Variants in KLF7 observed in about 807,000 individuals in gnomAD.
The protein encoded by KLF7 is KLF transcription factor 7.
In KLF7, 2 loss-of-function variants were observed where a neutral mutation model predicts 27.3. The ratio of observed to expected loss-of-function variants is 0.07; its 90% CI spans 0.03 to 0.23. The LOEUF is 0.23. KLF7 is among the 10% of genes least tolerant of loss of function. The pLI, the probability that KLF7 is intolerant of heterozygous loss-of-function variation, is 1.00. For missense variants in KLF7, 221 were observed against 394.1 expected (o/e 0.56, Z 3.72); for synonymous variants, 165 against 162.4 (o/e 1.02, Z -0.12).
At position 207,140,766 on chromosome 2, in the gene KLF7, G is replaced by A. The variant is rs139952783; in HGVS notation, c.103-16362C>T. 4.2e-3 allele frequency among the ~76,000 whole-genome samples: 645 copies of A among 152,270 alleles called. 2 individuals carry two copies. The highest frequency in any genetic ancestry group is 0.015 in the African/African-American group (617 of 41,552). ...AGTAACAGACTAAAAAGAAGGGTGG[G>A]CCAGTGGGTGAGGAAGACTATTGTG... On this transcript the variant is annotated intron_variant, in intron 1 of 3. Transcript: ENST00000309446.
chr2:207,136,042 C>G lies in KLF7; in HGVS notation c.103-11638G>C, dbSNP rs549208981. 2.6e-5 allele frequency among the ~76,000 whole-genome samples: 4 copies of G among 152,270 alleles called. No individual in the cohort carries two copies. The South Asian group carries it at 8.3e-4, about 32-fold the overall frequency. On this transcript the variant is annotated intron_variant, in intron 1 of 3. Coordinates refer to ENST00000309446, the MANE Select transcript of KLF7 (RefSeq NM_003709.4). The stretch of plus-strand genomic sequence containing the variant: ...AAGCAATTAGGATGAGTGAACAAAA[C>G]GCTATTTTCAACTGTCATTTTTTAT...
At chr2:207,107,715 GC>G (rs2076915860) in intron 2 of KLF7, among the ~76,000 whole-genome samples, 1 of 152,178 alleles carries the variant, frequency 6.6e-6, no homozygotes, top group Non-Finnish European at 1.5e-5. Flanking sequence ...CCAAATGCCA[GC>G]CGGCTCTTCT....
chr2:207,149,194 TAATTTTCTGAGGAGAAAA>T lies in KLF7; in HGVS notation c.102+16255_102+16272del, dbSNP rs767347548. The T allele has an allele frequency of 2.3e-6, 3 of 1,280,826 alleles. No individual in the cohort carries two copies. The South Asian group carries it at 3.7e-5, about 16-fold the overall frequency. 79.3% of individuals were successfully genotyped at this position (1,280,826 alleles called of 1,614,324 possible). A position where few individuals can be genotyped will look rare whatever the true frequency, so the allele number is the denominator to read the frequency against. ...TTTTCTTTTTGGAGATGATCTTCAA[TAATTTTCTGAGGAGAAAA>T]AATTAAAAATCTGTTAAAAGCAACA... On this transcript the variant is annotated intron_variant, in intron 1 of 3. Coordinates refer to ENST00000309446, the MANE Select transcript of KLF7 (RefSeq NM_003709.4).
intron 2 of KLF7, among the ~76,000 whole-genome samples, chr2:207,117,184 A>C (rs189081835): frequency 1.3e-5 from 2 of 152,332 alleles, no homozygotes; most frequent in African/African-American, 2.4e-5. Flanking sequence ...TGATAAAATA[A>C]ATGTGCTTGC....
intron 2 of KLF7, among the ~76,000 whole-genome samples, chr2:207,099,550 C>CTATATATATATATATATATATATATA (rs1359258095): frequency 0.01 from 232 of 22,774 alleles, 8 homozygotes; most frequent in Non-Finnish European, 0.014. Flanking sequence ...GCTACATATG[C>CTATATATATATATATATATATATATA]GATATATATA....
intron 2 of KLF7, among the ~76,000 whole-genome samples, chr2:207,094,001 T>C (rs1199422951): frequency 6.6e-6 from 1 of 152,204 alleles, no homozygotes; most frequent in Non-Finnish European, 1.5e-5. Context: ...ATCTCACACA[T>C]AGGAACCTAT....
chr2:207,159,839 G>A (rs540092789), intron 1 of KLF7, among the ~76,000 whole-genome samples: 58 of 152,218 alleles, frequency 3.8e-4, no homozygotes, highest in African/African-American at 1.3e-3. Flanking sequence ...GACATGAGTC[G>A]TTTAAACGGG....
chr2:207,150,997 T>TA (rs34218929), intron 1 of KLF7, among the ~76,000 whole-genome samples: 3,471 of 90,306 alleles, frequency 0.038, 101 homozygotes, highest in South Asian at 0.056. Flanking sequence ...TTCTCTTTAT[T>TA]AAAAAAAAAA....
At chr2:207,145,212 A>G (rs1037350633) in intron 1 of KLF7, among the ~76,000 whole-genome samples, 2 of 152,254 alleles carry the variant, frequency 1.3e-5, no homozygotes, top group Admixed American at 1.3e-4. Flanking sequence ...TGGCAGGCTC[A>G]GTCAAAATCT....
At chr2:207,092,512 T>C (rs558115229) in intron 2 of KLF7, among the ~76,000 whole-genome samples, 1 of 152,226 alleles carries the variant, frequency 6.6e-6, no homozygotes, top group Non-Finnish European at 1.5e-5. Context: ...GTAAGTCTCA[T>C]GAGGTGAAAA....
At chr2:207,118,413 C>T (rs904122548) in intron 2 of KLF7, among the ~76,000 whole-genome samples, 2 of 152,228 alleles carry the variant, frequency 1.3e-5, no homozygotes, top group Non-Finnish European at 2.9e-5. Flanking sequence ...AAGGACCCTC[C>T]TAATTCTCAC....
At chr2:207,121,983 T>C (rs1439841499) in intron 2 of KLF7, 2 of 152,244 alleles carry the variant, frequency 1.3e-5, no homozygotes, top group Admixed American at 6.5e-5. Context: ...CAACACAACA[T>C]TCTTGCCCTT....
rs1331319845 is a variant in KLF7 at position 207,080,150 on chromosome 2, G to A, written c.*1063C>T. On this transcript the variant is annotated 3_prime_UTR_variant, in exon 4 of 4. Transcript: ENST00000309446. The stretch of plus-strand genomic sequence containing the variant: ...GAGGTCATCATGCCTCAAGGAGGAT[G>A]AGAGAACTGTGATGTCCCATCTGAC... The A allele has an allele frequency of 6.6e-6, 1 of 152,246 alleles. No homozygotes were observed. The highest frequency in any genetic ancestry group is 1.5e-5 in the Non-Finnish European group (1 of 68,048). 9.4% of individuals were successfully genotyped at this position (152,246 alleles called of 1,614,324 possible). A position where few individuals can be genotyped will look rare whatever the true frequency, so the allele number is the denominator to read the frequency against.
chr2:207,124,976 A>T (rs905223493), intron 1 of KLF7, among the ~76,000 whole-genome samples: 2 of 152,252 alleles, frequency 1.3e-5, no homozygotes, highest in African/African-American at 4.8e-5. Context: ...AACCAGCAGG[A>T]AAGAATACTG....
intron 1 of KLF7, among the ~76,000 whole-genome samples, chr2:207,152,306 C>T (rs1219554313): frequency 2.9e-5 from 3 of 105,030 alleles, no homozygotes; most frequent in African/African-American, 9.4e-5. Flanking sequence ...CACACACACA[C>T]ACACGGAGTT....
At chr2:207,141,160 A>C (rs1467308316) in intron 1 of KLF7, among the ~76,000 whole-genome samples, 1 of 152,172 alleles carries the variant, frequency 6.6e-6, no homozygotes, top group Non-Finnish European at 1.5e-5. Flanking sequence ...ATTTCTCATG[A>C]CCAAATCTTG....
At chr2:207,098,050 C>G (rs1458002368) in intron 2 of KLF7, among the ~76,000 whole-genome samples, 3 of 152,122 alleles carry the variant, frequency 2.0e-5, no homozygotes, top group Non-Finnish European at 4.4e-5. Context: ...ATACCTGAAG[C>G]TGTATGTTCT....
chr2:207,143,535 T>C (rs2078005334), intron 1 of KLF7, among the ~76,000 whole-genome samples: 1 of 152,210 alleles, frequency 6.6e-6, no homozygotes, highest in Non-Finnish European at 1.5e-5. Context: ...CCTCTCTCTG[T>C]TGATGTTTTT....
chr2:207,128,672 T>G (rs1179595569), intron 1 of KLF7, among the ~76,000 whole-genome samples: 2 of 152,226 alleles, frequency 1.3e-5, no homozygotes, highest in Non-Finnish European at 2.9e-5. Flanking sequence ...GTACCCCTGA[T>G]ATGATAAGCT....
Sources: allele counts gnomAD v4.1 joint callset (sites outside exome capture counted in the v4.1 genomes callset), GRCh38; gene constraint gnomAD v4.1.1; transcripts MANE v1.5; gene names NCBI Gene and HGNC (gene_info 2026-07-23, HGNC 2026-07-21).